GRAMD1B: variants seen among roughly 807,000 people sequenced by gnomAD.
GRAMD1B encodes the protein GRAM domain containing 1B.
GRAMD1B carries 37 observed loss-of-function variants against 99.7 expected under a neutral mutation model. The observed-to-expected ratio is 0.37, with a 90% CI of 0.29 to 0.49. The LOEUF is 0.49. Ranked by LOEUF, GRAMD1B falls within the 20% of genes least tolerant of loss-of-function variation. The probability of loss-of-function intolerance (pLI) is 0.98; values close to 1 mark genes in which losing one functional copy is unlikely to be tolerated. For synonymous variants in GRAMD1B, 427 were observed against 387.6 expected (o/e 1.10, Z -1.19); for missense variants, 888 against 1,009.2 (o/e 0.88, Z 1.63).
At chr11:123,589,709 G>T (rs373352724) in intron 4 of GRAMD1B, among the ~76,000 whole-genome samples, 1 of 151,350 alleles carries the variant, frequency 6.6e-6, no homozygotes, top group African/African-American at 2.4e-5. Context: ...TGATCCGTCC[G>T]AATTGGCTTC....
At chr11:123,397,577 C>T (rs1200685571) in intron 1 of GRAMD1B, among the ~76,000 whole-genome samples, 3 of 152,142 alleles carry the variant, frequency 2.0e-5, no homozygotes, top group African/African-American at 7.2e-5. Flanking sequence ...AATCATGGCT[C>T]ACTGCAGCCT....
intron 2 of GRAMD1B, among the ~76,000 whole-genome samples, chr11:123,543,736 G>A (rs1374111180): frequency 3.3e-5 from 5 of 152,158 alleles, no homozygotes; most frequent in East Asian, 1.9e-4. Context: ...ATCCCATTTC[G>A]CAGAAGAATT....
chr11:123,618,557 T>C, intron 17 of GRAMD1B, 136 bp from the exon 18 acceptor site: 1 of 808,916 alleles, frequency 1.2e-6, no homozygotes, highest in Non-Finnish European at 2.2e-6. Context: ...CCTTGCTCCA[T>C]CCCTCCAGCT....
chr11:123,491,918 C>T (rs1156640450), intron 2 of GRAMD1B: 16 of 399,216 alleles, frequency 4.0e-5, no homozygotes, highest in Middle Eastern at 6.3e-4. Context: ...GTCACTACCA[C>T]GTCTCCTCCC....
chr11:123,364,220 C>A (rs375624666), intron 1 of GRAMD1B, among the ~76,000 whole-genome samples: 1 of 152,302 alleles, frequency 6.6e-6, no homozygotes, highest in South Asian at 2.1e-4. Context: ...TCAAAGGGAG[C>A]GATGGGTGGA....
intron 2 of GRAMD1B, among the ~76,000 whole-genome samples, chr11:123,503,638 C>G (rs908890180): frequency 3.9e-5 from 6 of 152,158 alleles, no homozygotes; most frequent in Non-Finnish European, 8.8e-5. Flanking sequence ...CCTCTGCCTC[C>G]CGGGTTCAAG....
chr11:123,433,712 G>GTC (rs1949019894), intron 1 of GRAMD1B, among the ~76,000 whole-genome samples: 1 of 147,024 alleles, frequency 6.8e-6, no homozygotes, highest in African/African-American at 2.6e-5. Context: ...GTGTGTGTGT[G>GTC]TCTTTGTGTG....
At chr11:123,558,127 T>A (rs2003795) in intron 2 of GRAMD1B, among the ~76,000 whole-genome samples, 3 of 151,482 alleles carry the variant, frequency 2.0e-5, no homozygotes, top group African/African-American at 7.3e-5. Context: ...GGGATTACAA[T>A]TGTGTGCCAC....
chr11:123,627,612 C>G lies in GRAMD1B; in HGVS notation c.*5017C>G, dbSNP rs1309282830. On this transcript the variant is annotated 3_prime_UTR_variant, in exon 20 of 20. Coordinates refer to ENST00000635736, the MANE Select transcript of GRAMD1B (RefSeq NM_001387025.1). Reference sequence around the variant, plus strand: ...GTTGTCTGGCCATCTGTATTTGGATCTATAACTGTACTTTGCCTGGCGCTG... The same window carrying G: ...GTTGTCTGGCCATCTGTATTTGGATGTATAACTGTACTTTGCCTGGCGCTG... 6.6e-6 allele frequency: 1 copy of G among 152,288 alleles called. No homozygotes were observed. Among genetic ancestry groups the G allele is most frequent in the Non-Finnish European group, 1.5e-5 (1 of 68,070 alleles). 9.4% of individuals were successfully genotyped at this position (152,288 alleles called of 1,614,324 possible). A position where few individuals can be genotyped will look rare whatever the true frequency, so the allele number is the denominator to read the frequency against.
intron 1 of GRAMD1B, among the ~76,000 whole-genome samples, chr11:123,386,824 A>T (rs890632824): frequency 2.0e-5 from 3 of 152,232 alleles, no homozygotes; most frequent in Non-Finnish European, 4.4e-5. Flanking sequence ...CAGTAGCCGC[A>T]GCTAGGCAGA....
chr11:123,608,286 G>A, intron 11 of GRAMD1B: 2 of 574,170 alleles, frequency 3.5e-6, no homozygotes, highest in Non-Finnish European at 6.2e-6. Flanking sequence ...TTAACTTACA[G>A]ACTCTCAAAA....
intron 2 of GRAMD1B, among the ~76,000 whole-genome samples, chr11:123,527,750 C>T (rs543967883): frequency 2.0e-5 from 3 of 152,238 alleles, no homozygotes; most frequent in South Asian, 2.1e-4. Flanking sequence ...GAAATCTCTC[C>T]GCATCCTTCC....
intron 1 of GRAMD1B, among the ~76,000 whole-genome samples, chr11:123,400,955 A>C (rs1947638964): frequency 6.6e-6 from 1 of 152,228 alleles, no homozygotes; most frequent in Non-Finnish European, 1.5e-5. Context: ...TTATTGAACT[A>C]ATAAGGGAAG....
At chr11:123,579,020 T>C (rs947986906) in intron 3 of GRAMD1B, among the ~76,000 whole-genome samples, 33 of 152,196 alleles carry the variant, frequency 2.2e-4, no homozygotes, top group African/African-American at 7.0e-4. Flanking sequence ...CTGCCCAGAC[T>C]GGGGTTCATG....
At chr11:123,495,617 A>G (rs1324926681) in intron 2 of GRAMD1B, among the ~76,000 whole-genome samples, 1 of 149,790 alleles carries the variant, frequency 6.7e-6, no homozygotes, top group Non-Finnish European at 1.5e-5. Flanking sequence ...CATGAGTTCA[A>G]TTGTTTTGCT....
chr11:123,592,958 G>A (rs756757236), intron 4 of GRAMD1B, among the ~76,000 whole-genome samples: 1 of 151,968 alleles, frequency 6.6e-6, no homozygotes, highest in African/African-American at 2.4e-5. Context: ...CGGGTCGGGC[G>A]CGGTGGCTCA....
chr11:123,571,366 G>A (rs1442194747), intron 2 of GRAMD1B, among the ~76,000 whole-genome samples: 1 of 152,184 alleles, frequency 6.6e-6, no homozygotes, highest in Non-Finnish European at 1.5e-5. Context: ...GAGGGTGGGG[G>A]CAGGGATGCC....
chr11:123,579,042 A>G (rs994050081), intron 3 of GRAMD1B, among the ~76,000 whole-genome samples: 1 of 152,178 alleles, frequency 6.6e-6, no homozygotes. Context: ...TGTGCTTAGG[A>G]TCCTGAATCA....
intron 3 of GRAMD1B, among the ~76,000 whole-genome samples, chr11:123,583,396 G>A (rs1949673392): frequency 2.8e-5 from 1 of 35,374 alleles, no homozygotes; most frequent in Non-Finnish European, 7.2e-5. Flanking sequence ...GTATGTGTGC[G>A]TGTGTGTGTG....
Sources: gnomAD v4.1 joint callset for allele counts (sites outside exome capture counted in the v4.1 genomes callset) on GRCh38, gnomAD v4.1.1 for gene constraint, MANE v1.5 for transcripts, NCBI Gene and HGNC (gene_info 2026-07-23, HGNC 2026-07-21) for gene names.